The following ABL1 variants were observed in gnomAD, a reference collection of about 807,000 sequenced individuals.
ABL1 encodes the protein ABL proto-oncogene 1, non-receptor tyrosine kinase, also known as tyrosine-protein kinase ABL1.
Under a neutral mutation model 94.7 loss-of-function variants are expected in ABL1, and 11 were observed. That is an observed-to-expected ratio of 0.12 (90% CI 0.07 to 0.19). ABL1 has a LOEUF of 0.19. ABL1 is among the 10% of genes least tolerant of loss of function. The pLI is 1.00. For synonymous variants in ABL1, 656 were observed against 622.4 expected (o/e 1.05, Z -0.80); for missense variants, 1,082 against 1,489.4 (o/e 0.73, Z 4.50).
At chr9:130,729,683 A>G (rs1406699774) in intron 1 of ABL1, among the ~76,000 whole-genome samples, 2 of 152,110 alleles carry the variant, frequency 1.3e-5, no homozygotes, top group Non-Finnish European at 2.9e-5. Flanking sequence ...ACAAAAGGAT[A>G]TCTAATACCA....
chr9:130,887,006 ATCT>A lies in ABL1; in HGVS notation c.*1327_*1329del, dbSNP rs962774370. On this transcript the variant is annotated 3_prime_UTR_variant, in exon 11 of 11. Coordinates refer to ENST00000318560, the MANE Select transcript of ABL1 (RefSeq NM_005157.6). The stretch of plus-strand genomic sequence containing the variant: ...ACGTATTTCACAGAGCACGCCTGCC[ATCT>A]TCTCCCCGAGGCTGCCCCAGGCCGG... 6.9e-5 allele frequency: 16 copies of A among 233,018 alleles called. No homozygotes were observed. The highest frequency in any genetic ancestry group is 2.0e-4 in the African/African-American group (9 of 45,440). The allele number at this position is 233,018 out of a possible 1,614,324, so 14.4% of individuals were successfully genotyped here.
intron 7 of ABL1, among the ~76,000 whole-genome samples, chr9:130,877,242 A>G (rs1235160811): frequency 6.7e-6 from 1 of 148,364 alleles, no homozygotes; most frequent in African/African-American, 2.6e-5. Context: ...ATGACAAGCT[A>G]TTGCAGGTTC....
chr9:130,728,804 C>T (rs986923723), intron 1 of ABL1, among the ~76,000 whole-genome samples: 8 of 151,958 alleles, frequency 5.3e-5, no homozygotes, highest in Admixed American at 2.0e-4. Flanking sequence ...ACCGTGCCTG[C>T]TAATTTAAAT....
Position 130,808,530 on chromosome 9 carries a change from C to A in ABL1, c.137-45534C>A, listed in dbSNP as rs930543002. ...AAGTGCTGGGATTACAGGCATGAGCCATCGCACCCAGCTTTTTTATCCCAA... is the reference window on the plus strand; with the variant it reads ...AAGTGCTGGGATTACAGGCATGAGCAATCGCACCCAGCTTTTTTATCCCAA... On this transcript the variant is annotated intron_variant, in intron 1 of 10. Transcript: ENST00000372348. Among the ~76,000 whole-genome samples the A allele has an allele frequency of 5.3e-5, 8 of 152,172 alleles. No homozygotes were observed. In the East Asian group the frequency reaches 5.8e-4, roughly 11 times the overall value.
intron 3 of ABL1, among the ~76,000 whole-genome samples, chr9:130,856,543 A>G (rs1436066217): frequency 6.6e-6 from 1 of 152,184 alleles, no homozygotes; most frequent in Non-Finnish European, 1.5e-5. Context: ...AATAGTATGT[A>G]ATGCATGCAT....
intron 1 of ABL1, among the ~76,000 whole-genome samples, chr9:130,784,678 G>C (rs575261225): frequency 2.0e-5 from 3 of 152,142 alleles, no homozygotes; most frequent in Non-Finnish European, 4.4e-5. Flanking sequence ...CTGAAGTGTG[G>C]TTGGTGGTCT....
intron 1 of ABL1, among the ~76,000 whole-genome samples, chr9:130,791,316 T>A (rs998421703): frequency 6.6e-6 from 1 of 152,034 alleles, no homozygotes; most frequent in African/African-American, 2.4e-5. Flanking sequence ...CTTTAAATAA[T>A]GAGAACGAAG....
chr9:130,734,523 CTT>C (rs1381752821), intron 1 of ABL1, among the ~76,000 whole-genome samples: 68 of 112,430 alleles, frequency 6.0e-4, no homozygotes, highest in Admixed American at 7.5e-4. Context: ...CCTGAATCTT[CTT>C]TTTTTTTTTT....
rs770672293 is a variant in ABL1, at chr9:130,885,415, C to T, written c.3125C>T (p.Ala1042Val). 1 of 1,613,704 alleles carries T rather than the reference C, an allele frequency of 6.2e-7. No homozygotes were observed. The highest frequency in any genetic ancestry group is 8.5e-7 in the Non-Finnish European group (1 of 1,180,042). The change falls in exon 11 of 11, where the codon GCC becomes GTC. Residue 1042 changes from alanine to valine, a missense_variant. Ala to Val is a moderately conservative substitution (Grantham distance 64, BLOSUM62 0). Coordinates refer to ENST00000318560, the MANE Select transcript of ABL1 (RefSeq NM_005157.6). Reference sequence around the variant, plus strand: ...GACAGCACCGAGGCGCTGTGCCTCGCCATCTCTAGGAACTCCGAGCAGATG... The same window carrying T: ...GACAGCACCGAGGCGCTGTGCCTCGTCATCTCTAGGAACTCCGAGCAGATG... The part of the protein sequence containing the change: ...VLDSTEALCL[A>V]ISRNSEQMAS...
intron 1 of ABL1, among the ~76,000 whole-genome samples, chr9:130,822,304 C>G (rs1332760105): frequency 1.3e-5 from 2 of 152,150 alleles, no homozygotes; most frequent in Non-Finnish European, 2.9e-5. Context: ...TTATGTTTAA[C>G]TTTTTAAGAA....
In ABL1 at chr9:130,880,217, A is replaced by T; in HGVS notation, c.1513+60A>T. 6.6e-7 allele frequency: 1 copy of T among 1,524,472 alleles called. No homozygotes were observed. 94.4% of individuals were successfully genotyped at this position (1,524,472 alleles called of 1,614,324 possible). A position where few individuals can be genotyped will look rare whatever the true frequency, so the allele number is the denominator to read the frequency against. ...TGAAAGGGCAGCCATGTGGGACTGC[A>T]GCCTGGGTCATTCGGTTCACTTCCT... On this transcript the variant is annotated intron_variant, in intron 9 of 10. Transcript: ENST00000318560. The surrounding 1 kb of genome is among the most constrained non-coding windows in gnomAD (Gnocchi z 4.4).
At chr9:130,850,410 C>T (rs1224909696) in intron 1 of ABL1, among the ~76,000 whole-genome samples, 1 of 152,192 alleles carries the variant, frequency 6.6e-6, no homozygotes, top group Non-Finnish European at 1.5e-5. Flanking sequence ...CTCCCTCCAT[C>T]TGTAGGAAAT....
chr9:130,750,423 C>CCCTT (rs1831947281), intron 1 of ABL1, among the ~76,000 whole-genome samples: 3 of 32,182 alleles, frequency 9.3e-5, no homozygotes, highest in African/African-American at 3.5e-4. Context: ...CTCCCTCCCT[C>CCCTT]CCTCCCTCCC....
intron 8 of ABL1, among the ~76,000 whole-genome samples, 158 bp from the exon 9 acceptor site, chr9:130,879,910 C>T (rs1831422830): frequency 2.0e-5 from 3 of 152,234 alleles, no homozygotes; most frequent in African/African-American, 4.8e-5. Flanking sequence ...ATGTCTATAA[C>T]AGGACATGAT....
At chr9:130,836,978 C>T (rs1830599501) in intron 1 of ABL1, among the ~76,000 whole-genome samples, 1 of 152,114 alleles carries the variant, frequency 6.6e-6, no homozygotes, top group African/African-American at 2.4e-5. Context: ...CTTTCCTTAA[C>T]CTCTGACTCT....
At chr9:130,779,410 TG>T (rs1829726339) in intron 1 of ABL1, among the ~76,000 whole-genome samples, 1 of 152,254 alleles carries the variant, frequency 6.6e-6, no homozygotes, top group South Asian at 2.1e-4. Flanking sequence ...GCCTCTGTGC[TG>T]CCCCCCACCA....
At chr9:130,859,766 C>T (rs1306936985) in intron 3 of ABL1, among the ~76,000 whole-genome samples, 4 of 143,350 alleles carry the variant, frequency 2.8e-5, no homozygotes, top group Non-Finnish European at 6.0e-5. Context: ...TTGCAACCTG[C>T]GCCTCCCAGG....
chr9:130,839,448 G>A (rs770354059), intron 1 of ABL1, among the ~76,000 whole-genome samples: 1 of 152,126 alleles, frequency 6.6e-6, no homozygotes, highest in Non-Finnish European at 1.5e-5. Flanking sequence ...CTAATAAAAG[G>A]CCAGTCTGTC....
rs771276435 is a variant in ABL1, at chr9:130,885,622, C to T, written c.3332C>T (p.Thr1111Ile). ...ACAGCAGGCAGTGGTCCAGCGGCCA[C>T]TCAGGACTTCAGCAAGCTCCTCAGT... ...PATAGSGPAA[T>I]QDFSKLLSSV... The change falls in exon 11 of 11, where the codon ACT becomes ATT. Residue 1111 changes from threonine (T) to isoleucine (I), a missense_variant. This residue lies in a region of ABL1 where 780 missense variants were observed against 835.8 expected (regional missense o/e 0.93). Transcript: ENST00000318560. 1.9e-6 allele frequency: 3 copies of T among 1,613,364 alleles called. No homozygotes were observed. The highest frequency in any genetic ancestry group is 2.5e-6 in the Non-Finnish European group (3 of 1,179,872).
Sources: gnomAD v4.1 joint callset for allele counts (sites outside exome capture counted in the v4.1 genomes callset) on GRCh38, gnomAD v4.1.1 for gene constraint, gnomAD v4.1.1 regional missense constraint, Gnocchi (gnomAD v3.1) non-coding constraint, MANE v1.5 for transcripts, NCBI Gene and HGNC (gene_info 2026-07-23, HGNC 2026-07-21) for gene names.